Variants in RNF212B observed in about 807,000 individuals in gnomAD.
RNF212B encodes the protein ring finger protein 212B.
RNF212B carries 52 observed loss-of-function variants against 55.5 expected under a neutral mutation model. That is an observed-to-expected ratio of 0.94 (90% CI 0.75 to 1.18). The LOEUF (loss-of-function observed/expected upper bound fraction) is 1.18, where lower values mean the gene tolerates loss of function less well. Ranked by LOEUF, RNF212B falls within the 50% of genes most tolerant of loss-of-function variation. RNF212B has a pLI of 0.00. For missense variants in RNF212B, 289 were observed against 350.4 expected, an observed-to-expected ratio of 0.82 and a Z score of 1.40; for synonymous variants, 99 against 121.4, an observed-to-expected ratio of 0.82 and a Z score of 1.21.
chr14:23,240,580 T>A, intron 2 of RNF212B, 135 bp downstream of exon 2: 1 of 542,662 alleles, frequency 1.8e-6, no homozygotes, highest in Non-Finnish European at 3.2e-6. Flanking sequence ...TGTAGGAAAC[T>A]GTCAATTTTA....
chr14:23,247,995 C>T (rs952866729), intron 4 of RNF212B, among the ~76,000 whole-genome samples: 1 of 152,150 alleles, frequency 6.6e-6, no homozygotes, highest in African/African-American at 2.4e-5. Context: ...GGAAGTTCAA[C>T]ATCAAGGCAC....
chr14:23,193,944 C>T (rs1019442472), intron 2 of RNF212B, among the ~76,000 whole-genome samples: 8 of 152,222 alleles, frequency 5.3e-5, no homozygotes, highest in South Asian at 2.1e-4. Flanking sequence ...TGGGTTCAAG[C>T]GATTCTCCTG....
chr14:23,187,797 A>G (rs1032560248), intron 1 of RNF212B, among the ~76,000 whole-genome samples: 3 of 152,192 alleles, frequency 2.0e-5, no homozygotes, highest in African/African-American at 7.2e-5. Context: ...CCTGCTTTAA[A>G]TTAAAGCCAA....
chr14:23,226,812 CTTT>C (rs111452590), intron 2 of RNF212B, among the ~76,000 whole-genome samples: 2 of 128,774 alleles, frequency 1.6e-5, no homozygotes, highest in African/African-American at 6.0e-5. Flanking sequence ...TCTTCTTCTT[CTTT>C]TTTTTTTTTT....
rs539829032 is a variant in RNF212B, at chr14:23,251,999, G to A, written c.229-6550G>A. Among the ~76,000 whole-genome samples the A allele has an allele frequency of 2.0e-5, 3 of 151,434 alleles. No homozygotes were observed. In the East Asian group the frequency reaches 5.8e-4, roughly 29 times the overall value. ...GCCTTGTTCAGGAGTTGTTATGAAC[G>A]TTCCATTACATAGGCATGATTGATT... On this transcript the variant is annotated intron_variant, in intron 4 of 14. Coordinates refer to ENST00000430154, the MANE Select transcript of RNF212B (RefSeq NM_001282322.3).
intron 11 of RNF212B, among the ~76,000 whole-genome samples, chr14:23,268,074 C>T (rs1885826021): frequency 1.3e-5 from 2 of 152,232 alleles, no homozygotes; most frequent in Non-Finnish European, 2.9e-5. Flanking sequence ...ACAAGTGCTT[C>T]TAATTGTTTT....
upstream of RNF212B, among the ~76,000 whole-genome samples, chr14:23,234,032 G>C (rs566016325): frequency 6.6e-6 from 1 of 152,164 alleles, no homozygotes; most frequent in Non-Finnish European, 1.5e-5. Context: ...GGGAGGCAGA[G>C]GTTGCAGTGA....
chr14:23,212,405 T>C (rs1566400460), intron 2 of RNF212B, among the ~76,000 whole-genome samples: 1 of 152,216 alleles, frequency 6.6e-6, no homozygotes, highest in Non-Finnish European at 1.5e-5. Flanking sequence ...ACAGACGGCA[T>C]GATTATCTAT....
intron 2 of RNF212B, among the ~76,000 whole-genome samples, chr14:23,207,221 G>C (rs1358753073): frequency 1.3e-5 from 2 of 152,212 alleles, no homozygotes; most frequent in African/African-American, 2.4e-5. Flanking sequence ...ATTAACACCA[G>C]CTGGCTGGTA....
At chr14:23,271,045 G>A (rs1029573257) in intron 14 of RNF212B, among the ~76,000 whole-genome samples, 67 of 152,264 alleles carry the variant, frequency 4.4e-4, no homozygotes, top group African/African-American at 1.6e-3. Context: ...TCCAGAGACC[G>A]CTAGAATAAT....
chr14:23,248,755 A>G (rs977744464), intron 4 of RNF212B, among the ~76,000 whole-genome samples: 1 of 152,042 alleles, frequency 6.6e-6, no homozygotes, highest in Non-Finnish European at 1.5e-5. Flanking sequence ...GCCTCTTTTT[A>G]TAAGGACACT....
At chr14:23,197,186 T>C (rs968232340) in intron 2 of RNF212B, among the ~76,000 whole-genome samples, 1 of 152,190 alleles carries the variant, frequency 6.6e-6, no homozygotes, top group Non-Finnish European at 1.5e-5. Context: ...TAAGTGTTAT[T>C]AGTACATAAG....
intron 5 of RNF212B, chr14:23,259,386 A>C (rs1253041543): frequency 7.2e-6 from 1 of 138,036 alleles, no homozygotes; most frequent in African/African-American, 2.9e-5. Context: ...TTTTGTAGAG[A>C]GGAGTCTCTG....
At chr14:23,271,173 A>G (rs1886048802) in intron 14 of RNF212B, among the ~76,000 whole-genome samples, 1 of 152,110 alleles carries the variant, frequency 6.6e-6, no homozygotes, top group African/African-American at 2.4e-5. Flanking sequence ...GGGCGGTGGT[A>G]CATGCCAGTA....
At chr14:23,253,654 T>C (rs901510403) in intron 4 of RNF212B, among the ~76,000 whole-genome samples, 1 of 152,204 alleles carries the variant, frequency 6.6e-6, no homozygotes, top group African/African-American at 2.4e-5. Context: ...GATCCTTAAT[T>C]CATTAGAAGT....
At chr14:23,248,315 T>TA (rs1042157862) in intron 4 of RNF212B, among the ~76,000 whole-genome samples, 9 of 149,998 alleles carry the variant, frequency 6.0e-5, no homozygotes, top group Non-Finnish European at 8.9e-5. Context: ...TTTTTTTTTT[T>TA]AATAGATACA....
chr14:23,270,685 G>A (rs771382955), intron 14 of RNF212B, 24 bp downstream of exon 14: 11 of 1,504,170 alleles, frequency 7.3e-6, no homozygotes, highest in East Asian at 4.9e-5. Context: ...AGTCTAACTT[G>A]TCTGTGCATA....
chr14:23,259,783 T>C (rs1392238946), intron 5 of RNF212B, 101 bp from the exon 6 acceptor site: 6 of 514,204 alleles, frequency 1.2e-5, no homozygotes, highest in Non-Finnish European at 1.7e-5. Context: ...CTGCAAGCAT[T>C]TCTCAGTAAG....
intron 2 of RNF212B, among the ~76,000 whole-genome samples, chr14:23,211,012 C>T (rs188405342): frequency 1.3e-5 from 2 of 151,598 alleles, no homozygotes; most frequent in East Asian, 3.9e-4. Context: ...GAGGTCAGGA[C>T]TTCGAGACCA....
Sources: gnomAD v4.1 joint callset for allele counts (sites outside exome capture counted in the v4.1 genomes callset) on GRCh38, gnomAD v4.1.1 for gene constraint, MANE v1.5 for transcripts, NCBI Gene and HGNC (gene_info 2026-07-23, HGNC 2026-07-21) for gene names.